Variants in SH3RF3 observed in about 807,000 individuals in gnomAD.
SH3RF3 encodes SH3 domain containing ring finger 3.
SH3RF3 carries 29 observed loss-of-function variants against 66.3 expected under a neutral mutation model. The ratio of observed to expected loss-of-function variants is 0.44; its 90% CI spans 0.33 to 0.60. The LOEUF (loss-of-function observed/expected upper bound fraction) is 0.60. Ranked by LOEUF, SH3RF3 falls within the 20% of genes least tolerant of loss-of-function variation. The pLI, the probability that SH3RF3 is intolerant of heterozygous loss-of-function variation, is 0.04. For synonymous variants in SH3RF3, 583 were observed against 532.0 expected (o/e 1.10, Z -1.32); for missense variants, 1,194 against 1,190.9 (o/e 1.00, Z -0.04).
At chr2:109,426,174 G>A (rs994448125) in intron 5 of SH3RF3, among the ~76,000 whole-genome samples, 5 of 152,310 alleles carry the variant, frequency 3.3e-5, no homozygotes, top group East Asian at 1.9e-4. Context: ...CTCCCAAAGC[G>A]CTGGGATTAC....
chr2:109,372,911 T>C (rs1683306497), intron 3 of SH3RF3, among the ~76,000 whole-genome samples: 1 of 152,252 alleles, frequency 6.6e-6, no homozygotes, highest in Admixed American at 6.5e-5. Context: ...TTAAAACATC[T>C]GTCAATTCCC....
rs191968261 is a variant in SH3RF3, at chr2:109,227,250, C to T, written c.573+97137C>T. On this transcript the variant is annotated intron_variant, in intron 1 of 9. Coordinates refer to ENST00000309415, the MANE Select transcript of SH3RF3 (RefSeq NM_001099289.3). ...AGGGGCTGAAAGTTGGGGGAAGGAGCTAAGAGAAAATTGGTGCCTGTAGCT... is the reference window on the plus strand; with the variant it reads ...AGGGGCTGAAAGTTGGGGGAAGGAGTTAAGAGAAAATTGGTGCCTGTAGCT... Among the ~76,000 whole-genome samples, 510 of 152,216 alleles carry T rather than the reference C, an allele frequency of 3.4e-3. 4 individuals carry two copies. Among genetic ancestry groups the T allele is most frequent in the African/African-American group, 0.012 (487 of 41,530 alleles).
chr2:109,427,732 A>C (rs895283999), intron 5 of SH3RF3, among the ~76,000 whole-genome samples: 1 of 152,112 alleles, frequency 6.6e-6, no homozygotes, highest in Non-Finnish European at 1.5e-5. Context: ...ACCTGGGAGA[A>C]CCCCATCTCA....
At chr2:109,399,696 C>T (rs1358896704) in intron 4 of SH3RF3, among the ~76,000 whole-genome samples, 1 of 152,200 alleles carries the variant, frequency 6.6e-6, no homozygotes, top group Non-Finnish European at 1.5e-5. Context: ...TTGCCTGTAG[C>T]TCTGACAAGA....
At position 109,129,564 on chromosome 2, in the gene SH3RF3, G is replaced by C. The variant is rs1187668407; in HGVS notation, c.24G>C (p.Leu8=). ...CCATGCTGCTCGGAGCGTCCTGGCT[G>C]TGCGCATCCAAGGCGGCCGCCGCTG... MLLGASW[L]CASKAAAAAA... Residue 8 remains leucine (L), a synonymous_variant, in exon 1 of 10, where the codon CTG becomes CTC. Coordinates refer to ENST00000309415, the MANE Select transcript of SH3RF3 (RefSeq NM_001099289.3). The C allele has an allele frequency of 6.7e-7, 1 of 1,490,136 alleles. No individual in the cohort carries two copies. The highest frequency in any genetic ancestry group is 8.9e-7 in the Non-Finnish European group (1 of 1,128,046). 92.3% of individuals were successfully genotyped at this position (1,490,136 alleles called of 1,614,324 possible). A position where few individuals can be genotyped will look rare whatever the true frequency, so the allele number is the denominator to read the frequency against.
chr2:109,315,733 T>A (rs570741033), intron 1 of SH3RF3, among the ~76,000 whole-genome samples: 1 of 152,334 alleles, frequency 6.6e-6, no homozygotes, highest in South Asian at 2.1e-4. Flanking sequence ...CTCTTTCATC[T>A]CATTATGTCT....
chr2:109,299,713 TAAAG>T (rs929573959), intron 1 of SH3RF3, among the ~76,000 whole-genome samples: 7 of 152,202 alleles, frequency 4.6e-5, no homozygotes, highest in Admixed American at 2.6e-4. Context: ...ATCAGGGGGA[TAAAG>T]AAAGAGAATC....
intron 1 of SH3RF3, among the ~76,000 whole-genome samples, chr2:109,216,527 G>C (rs1306960463): frequency 6.6e-6 from 1 of 152,204 alleles, no homozygotes; most frequent in Non-Finnish European, 1.5e-5. Context: ...TAAGTGCCTT[G>C]CTTCTGTGAT....
chr2:109,220,445 A>C (rs1679204244), intron 1 of SH3RF3, among the ~76,000 whole-genome samples: 1 of 152,222 alleles, frequency 6.6e-6, no homozygotes, highest in South Asian at 2.1e-4. Flanking sequence ...TCAAAACGCA[A>C]AAGTTTTGTG....
At chr2:109,468,770 C>T (rs1047318440) in intron 8 of SH3RF3, among the ~76,000 whole-genome samples, 4 of 148,246 alleles carry the variant, frequency 2.7e-5, no homozygotes, top group African/African-American at 1.0e-4. Flanking sequence ...AGGTTAATCG[C>T]TTGAGCCTGG....
At chr2:109,467,593 G>A (rs1046752558) in intron 8 of SH3RF3, among the ~76,000 whole-genome samples, 3 of 152,182 alleles carry the variant, frequency 2.0e-5, no homozygotes, top group Admixed American at 2.0e-4. Flanking sequence ...GTCAAAACTT[G>A]TCAAATAGAT....
chr2:109,489,484 T>C (rs1679070574), intron 8 of SH3RF3, among the ~76,000 whole-genome samples: 1 of 152,098 alleles, frequency 6.6e-6, no homozygotes, highest in African/African-American at 2.4e-5. Context: ...TCCTACAAAG[T>C]CCACTTAGAA....
At chr2:109,491,869 C>T (rs942869470) in intron 9 of SH3RF3, among the ~76,000 whole-genome samples, 2 of 152,216 alleles carry the variant, frequency 1.3e-5, no homozygotes, top group Non-Finnish European at 2.9e-5. Flanking sequence ...GCCTGCAACC[C>T]GGGAAGGCAG....
chr2:109,143,313 T>C (rs1379854681), intron 1 of SH3RF3, among the ~76,000 whole-genome samples: 1 of 152,156 alleles, frequency 6.6e-6, no homozygotes, highest in African/African-American at 2.4e-5. Context: ...GACCATAGTT[T>C]GGATAAAAAA....
intron 6 of SH3RF3, 107 bp downstream of exon 6, chr2:109,432,778 A>T: frequency 7.0e-7 from 1 of 1,420,326 alleles, no homozygotes; most frequent in Non-Finnish European, 9.3e-7. Flanking sequence ...CCCAGAAGGC[A>T]GCAAGGCCAC....
At chr2:109,193,001 C>T (rs946299309) in intron 1 of SH3RF3, among the ~76,000 whole-genome samples, 6 of 152,170 alleles carry the variant, frequency 3.9e-5, no homozygotes, top group African/African-American at 1.4e-4. Context: ...TGGAAACCTG[C>T]AAGTTGGAAA....
chr2:109,195,927 G>A (rs187526793), intron 1 of SH3RF3, among the ~76,000 whole-genome samples: 1 of 152,158 alleles, frequency 6.6e-6, no homozygotes, highest in African/African-American at 2.4e-5. Flanking sequence ...TACTGACTGA[G>A]CACCTCGCCC....
At position 109,432,675 on chromosome 2, in the gene SH3RF3, AG is replaced by A. The variant is rs1677270195; in HGVS notation, c.1574+7del. 1 of 1,609,236 alleles carries A rather than the reference AG, an allele frequency of 6.2e-7. No individual in the cohort carries two copies. Among genetic ancestry groups the A allele is most frequent in the African/African-American group, 1.3e-5 (1 of 74,886 alleles). On this transcript the variant is annotated splice_donor_5th_base_variant and intron_variant, in intron 6 of 9. Transcript: ENST00000309415. ...ACTACGTGACACCCGTTTCCAGGTG[AG>A]GGCATGGTGGTGGCAGCCTGGGCAA...
rs1676651916 is a variant in SH3RF3 at position 109,130,083 on chromosome 2, G to C, written c.543G>C (p.Leu181=). ...AGSTAGSLRE[L]ATSRTAPAAK... is the part of the protein sequence containing the mutation. ...GCACCGCCGGCAGTCTGCGGGAGCT[G>C]GCGACCAGCAGGACCGCGCCGGCGG... Residue 181 remains leucine (L), a synonymous_variant, in exon 1 of 10, where the codon CTG becomes CTC. Transcript: ENST00000309415. 7.3e-7 allele frequency: 1 copy of C among 1,366,530 alleles called. No individual in the cohort carries two copies. The highest frequency in any genetic ancestry group is 9.4e-7 in the Non-Finnish European group (1 of 1,061,050). 84.7% of individuals were successfully genotyped at this position (1,366,530 alleles called of 1,614,324 possible).
Sources: gnomAD v4.1 joint callset for allele counts (sites outside exome capture counted in the v4.1 genomes callset) on GRCh38, gnomAD v4.1.1 for gene constraint, MANE v1.5 for transcripts, NCBI Gene and HGNC (gene_info 2026-07-23, HGNC 2026-07-21) for gene names.